SEC61A2: variants seen among roughly 807,000 people sequenced by gnomAD.
SEC61A2 encodes the protein protein transport protein Sec61 subunit alpha isoform 2.
Under a neutral mutation model 59.9 loss-of-function variants are expected in SEC61A2, and 28 were observed. That is an observed-to-expected ratio of 0.47 (90% CI 0.35 to 0.64). The LOEUF is 0.64. Ranked by LOEUF, SEC61A2 falls within the 30% of genes least tolerant of loss-of-function variation. SEC61A2 has a pLI of 0.01. For missense variants in SEC61A2, 340 were observed against 585.9 expected (o/e 0.58, Z 4.33); for synonymous variants, 202 against 214.4 (o/e 0.94, Z 0.50).
intron 2 of SEC61A2, 56 bp downstream of exon 2, chr10:12,133,364 C>T: frequency 1.1e-6 from 1 of 879,248 alleles, no homozygotes; most frequent in Non-Finnish European, 1.8e-6. Context: ...TTCTATGAAA[C>T]CAGCAAAATT....
At position 12,152,827 on chromosome 10, in the gene SEC61A2, G is replaced by T. The variant is rs1286123885; in HGVS notation, c.462+2866G>T. On this transcript the variant is annotated intron_variant, in intron 6 of 11. Coordinates refer to ENST00000298428, the MANE Select transcript of SEC61A2 (RefSeq NM_018144.4). The surrounding 1 kb of genome is among the most constrained non-coding windows in gnomAD (Gnocchi z 5.5). ...ACCCAGGAGGCGGAGGTTGCAGTGAGCTGAGATTGCACCACTGCACTCCAG... is the reference window on the plus strand; with the variant it reads ...ACCCAGGAGGCGGAGGTTGCAGTGATCTGAGATTGCACCACTGCACTCCAG... 3.3e-5 allele frequency among the ~76,000 whole-genome samples: 5 copies of T among 151,270 alleles called. No homozygotes were observed. The highest frequency in any genetic ancestry group is 1.2e-4 in the African/African-American group (5 of 41,310).
At position 12,129,743 on chromosome 10, in the gene SEC61A2, A is replaced by G. The variant is rs758005366; in HGVS notation, c.-45A>G. On this transcript the variant is annotated 5_prime_UTR_variant, in exon 1 of 12. Coordinates refer to ENST00000298428, the MANE Select transcript of SEC61A2 (RefSeq NM_018144.4). The surrounding 1 kb of genome is among the most constrained non-coding windows in gnomAD (Gnocchi z 5.6). ...CGAGCCGCGGGAGTCGAGCGAAGGC[A>G]GCGCCGAGGCCGCGGTTTCCCCCTG... 1.2e-5 allele frequency: 18 copies of G among 1,487,460 alleles called. No individual in the cohort carries two copies. The South Asian group carries it at 2.0e-4, about 17-fold the overall frequency. 92.1% of individuals were successfully genotyped at this position (1,487,460 alleles called of 1,614,324 possible).
downstream of SEC61A2, chr10:12,165,944 G>T (rs1050729149): frequency 5.3e-5 from 8 of 152,126 alleles, no homozygotes; most frequent in Non-Finnish European, 8.8e-5. Context: ...TGGAAATATG[G>T]CTTTTAATAC....
chr10:12,157,979 C>G lies in SEC61A2; in HGVS notation c.849C>G (p.Leu283=). The change falls in exon 9 of 12, where the codon CTC becomes CTG. Residue 283 remains leucine, a synonymous_variant. Coordinates refer to ENST00000298428, the MANE Select transcript of SEC61A2 (RefSeq NM_018144.4). ...RGQYSSYPIK[L]FYTSNIPIIL... ...AGTACAGCAGCTACCCCATCAAACTCTTCTACACCTCCAACATCCCCATCA... is the reference window on the plus strand; with the variant it reads ...AGTACAGCAGCTACCCCATCAAACTGTTCTACACCTCCAACATCCCCATCA... 1 of 1,614,174 alleles carries G rather than the reference C, an allele frequency of 6.2e-7. No individual in the cohort carries two copies. Among genetic ancestry groups the G allele is most frequent in the Non-Finnish European group, 8.5e-7 (1 of 1,180,026 alleles).
chr10:12,132,317 C>T (rs771772904), intron 1 of SEC61A2, among the ~76,000 whole-genome samples: 1 of 150,248 alleles, frequency 6.7e-6, no homozygotes, highest in Non-Finnish European at 1.5e-5. Context: ...CAAAAACAAA[C>T]CAGTTAACTA....
chr10:12,143,742 A>AC lies in SEC61A2; in HGVS notation c.220+547_220+548insC, dbSNP rs1488738950. ...AGTAAGACTCTGCCTCCAAAAAAAA[A>AC]GGGAGTCCAGTGTGTGAGCCAATCG... On this transcript the variant is annotated intron_variant, in intron 4 of 11. Transcript: ENST00000298428. The surrounding 1 kb of genome is among the most constrained non-coding windows in gnomAD (Gnocchi z 4.8). Among the ~76,000 whole-genome samples the AC allele has an allele frequency of 6.6e-6, 1 of 152,034 alleles. No individual in the cohort carries two copies. The highest frequency in any genetic ancestry group is 1.9e-4 in the East Asian group (1 of 5,184).
chr10:12,155,403 G>T lies in SEC61A2; in HGVS notation c.463-375G>T. The stretch of plus-strand genomic sequence containing the variant: ...ATTCATCTGACTTTTTACTTCCTTG[G>T]AGGTATTTGGGATGTTTTCAGTTTC... On this transcript the variant is annotated intron_variant, in intron 6 of 11. Coordinates refer to ENST00000298428, the MANE Select transcript of SEC61A2 (RefSeq NM_018144.4). This position sits in a 1 kb window ranked among gnomAD's most constrained non-coding sequence, Gnocchi z 4.3. 6.8e-7 allele frequency: 1 copy of T among 1,470,228 alleles called. No individual in the cohort carries two copies. The allele number at this position is 1,470,228 out of a possible 1,614,324, so 91.1% of individuals were successfully genotyped here.
At chr10:12,150,976 C>T (rs984187889) in intron 6 of SEC61A2, among the ~76,000 whole-genome samples, 5 of 152,016 alleles carry the variant, frequency 3.3e-5, no homozygotes, top group East Asian at 1.9e-4. Flanking sequence ...GGGGTTTCAC[C>T]ATGTTGGCCA....
chr10:12,157,496 C>T (rs556920977), intron 8 of SEC61A2, among the ~76,000 whole-genome samples: 95 of 127,048 alleles, frequency 7.5e-4, no homozygotes, highest in African/African-American at 2.4e-3. Flanking sequence ...CCACCACGCC[C>T]GGCTAATTTT....
intron 1 of SEC61A2, among the ~76,000 whole-genome samples, chr10:12,132,284 G>A (rs1833769436): frequency 6.7e-6 from 1 of 149,656 alleles, no homozygotes; most frequent in Non-Finnish European, 1.5e-5. Flanking sequence ...CTGGACCACA[G>A]AGGGAGAATC....
In SEC61A2 at chr10:12,149,133, G is replaced by T. The variant is rs762162909; in HGVS notation, c.221-462G>T. ...GAGATGGAGTCTCACTCTGTTGCCC[G>T]GGCTGGAGTGCAGTGGCGCAATCTC... On this transcript the variant is annotated intron_variant, in intron 4 of 11. Transcript: ENST00000298428. The surrounding 1 kb of genome is among the most constrained non-coding windows in gnomAD (Gnocchi z 5.2). Among the ~76,000 whole-genome samples, 1 of 151,504 alleles carries T rather than the reference G, an allele frequency of 6.6e-6. No individual in the cohort carries two copies. Among genetic ancestry groups the T allele is most frequent in the African/African-American group, 2.4e-5 (1 of 41,172 alleles).
intron 3 of SEC61A2, among the ~76,000 whole-genome samples, chr10:12,136,585 G>T (rs1441913116): frequency 1.3e-5 from 2 of 152,100 alleles, no homozygotes; most frequent in African/African-American, 4.8e-5. Context: ...AGTAGCTGTG[G>T]GACTACGGGT....
At chr10:12,157,175 A>G in intron 8 of SEC61A2, 108 bp downstream of exon 8, 1 of 1,116,690 alleles carries the variant, frequency 9.0e-7, no homozygotes, top group South Asian at 1.6e-5. Context: ...GTTTAAGATC[A>G]AGGGAAATAA....
At position 12,164,762 on chromosome 10, in the gene SEC61A2, C is replaced by G; in HGVS notation, c.*308C>G. On this transcript the variant is annotated 3_prime_UTR_variant, in exon 12 of 12. Coordinates refer to ENST00000298428, the MANE Select transcript of SEC61A2 (RefSeq NM_018144.4). The surrounding 1 kb of genome is among the most constrained non-coding windows in gnomAD (Gnocchi z 7.3). ...GAGACGGTGAGATGGATTCGTTTTG[C>G]ACACAACATTCAAAACACTTCATAT... 1 of 1,120,452 alleles carries G rather than the reference C, an allele frequency of 8.9e-7. No homozygotes were observed. The highest frequency in any genetic ancestry group is 1.1e-6 in the Non-Finnish European group (1 of 916,192). The allele number at this position is 1,120,452 out of a possible 1,614,324, so 69.4% of individuals were successfully genotyped here. A position where few individuals can be genotyped will look rare whatever the true frequency, so the allele number is the denominator to read the frequency against.
intron 4 of SEC61A2, among the ~76,000 whole-genome samples, chr10:12,148,372 A>G (rs2131666123): frequency 6.6e-6 from 1 of 151,458 alleles, no homozygotes; most frequent in East Asian, 1.9e-4. Flanking sequence ...CAGCCTCCCA[A>G]GTAGCTGGGA....
Position 12,142,150 on chromosome 10 carries a change from C to T in SEC61A2, c.142-967C>T, listed in dbSNP as rs76227887. On this transcript the variant is annotated intron_variant, in intron 3 of 11. Transcript: ENST00000298428. This position sits in a 1 kb window ranked among gnomAD's most constrained non-coding sequence, Gnocchi z 5.4. The stretch of plus-strand genomic sequence containing the variant: ...AATAGCATCAACGTTGCTTGGATCT[C>T]AGGGCAGGATTTATGGCGAGTACAT... Among the ~76,000 whole-genome samples, 6,990 of 152,228 alleles carry T rather than the reference C, an allele frequency of 0.046. 393 individuals are homozygous for T. Among genetic ancestry groups the T allele is most frequent in the African/African-American group, 0.13 (5,531 of 41,508 alleles).
At position 12,153,832 on chromosome 10, in the gene SEC61A2, A is replaced by G. The variant is rs768938233; in HGVS notation, c.463-1946A>G. 1 of 1,588,792 alleles carries G rather than the reference A, an allele frequency of 6.3e-7. No individual in the cohort carries two copies. On this transcript the variant is annotated intron_variant, in intron 6 of 11. Coordinates refer to ENST00000298428, the MANE Select transcript of SEC61A2 (RefSeq NM_018144.4). This position sits in a 1 kb window ranked among gnomAD's most constrained non-coding sequence, Gnocchi z 5.2. ...AACATAGGTTTTGAAAACTGTTTGCATGCCGTTGTGGAAGGTATTTCTCAC... is the reference window on the plus strand; with the variant it reads ...AACATAGGTTTTGAAAACTGTTTGCGTGCCGTTGTGGAAGGTATTTCTCAC...
At position 12,142,435 on chromosome 10, in the gene SEC61A2, T is replaced by A. The variant is rs1834041746; in HGVS notation, c.142-682T>A. ...GTACTTCTTCCATGTTATTACAGAT[T>A]GAGTAAGCATAATTTTTAGTGGCCA... is the stretch of plus-strand genomic sequence containing the variant. On this transcript the variant is annotated intron_variant, in intron 3 of 11. Coordinates refer to ENST00000298428, the MANE Select transcript of SEC61A2 (RefSeq NM_018144.4). The surrounding 1 kb of genome is among the most constrained non-coding windows in gnomAD (Gnocchi z 5.4). The A allele has an allele frequency of 3.5e-6, 2 of 572,850 alleles. No individual in the cohort carries two copies. Among genetic ancestry groups the A allele is most frequent in the Non-Finnish European group, 4.4e-6 (2 of 453,040 alleles). The allele number at this position is 572,850 out of a possible 1,614,324, so 35.5% of individuals were successfully genotyped here. A position where few individuals can be genotyped will look rare whatever the true frequency, so the allele number is the denominator to read the frequency against.
At position 12,156,950 on chromosome 10, in the gene SEC61A2, G is replaced by C; in HGVS notation, c.660G>C (p.Leu220Phe). Residue 220 changes from leucine (L) to phenylalanine (F), a missense_variant, in exon 8 of 12, where the codon TTG (leucine) becomes TTC (phenylalanine). Coordinates refer to ENST00000298428, the MANE Select transcript of SEC61A2 (RefSeq NM_018144.4). The surrounding 1 kb of genome is among the most constrained non-coding windows in gnomAD (Gnocchi z 5.2). ...EGAVIALFHL[L>F]ATRTDKVRAL... ...CAGTCATAGCTCTGTTCCATTTGTT[G>C]GCCACCAGGACGGACAAAGTCCGAG... 4 of 1,613,880 alleles carry C rather than the reference G, an allele frequency of 2.5e-6. No homozygotes were observed. Among genetic ancestry groups the C allele is most frequent in the Non-Finnish European group, 3.4e-6 (4 of 1,179,888 alleles).
Sources: gnomAD v4.1 joint callset for allele counts (sites outside exome capture counted in the v4.1 genomes callset) on GRCh38, gnomAD v4.1.1 for gene constraint, Gnocchi (gnomAD v3.1) non-coding constraint, MANE v1.5 for transcripts, NCBI Gene and HGNC (gene_info 2026-07-23, HGNC 2026-07-21) for gene names.